ZFPM1: variants seen among roughly 807,000 people sequenced by gnomAD.
ZFPM1 encodes the protein zinc finger protein ZFPM1.
Under a neutral mutation model 46.3 loss-of-function variants are expected in ZFPM1, and 28 were observed. That is an observed-to-expected ratio of 0.60 (90% CI 0.45 to 0.83). The LOEUF (loss-of-function observed/expected upper bound fraction) is 0.83. ZFPM1 is among the 40% of genes least tolerant of loss of function. The pLI is 0.00. For missense variants in ZFPM1, 1,878 were observed against 1,432.4 expected (o/e 1.31, Z -5.02); for synonymous variants, 957 against 675.9 (o/e 1.42, Z -6.45).
chr16:88,498,567 C>T (rs1367742705), intron 3 of ZFPM1, among the ~76,000 whole-genome samples: 2 of 152,172 alleles, frequency 1.3e-5, no homozygotes, highest in African/African-American at 2.4e-5. Context: ...CAAATCATGA[C>T]GAGGTAGGAA....
intron 4 of ZFPM1, among the ~76,000 whole-genome samples, chr16:88,524,248 A>G (rs903234100): frequency 6.6e-6 from 1 of 152,174 alleles, no homozygotes; most frequent in Admixed American, 6.5e-5. Context: ...AGCCTCGCCG[A>G]GCGCTGCCCG....
intron 1 of ZFPM1, 35 bp downstream of exon 1, chr16:88,453,713 GC>G: frequency 8.6e-7 from 1 of 1,165,446 alleles, no homozygotes; most frequent in South Asian, 2.2e-5. Context: ...CCCTCCGCGC[GC>G]CCGACCCCCG....
chr16:88,505,387 C>G (rs1412201517), intron 3 of ZFPM1, among the ~76,000 whole-genome samples: 1 of 152,232 alleles, frequency 6.6e-6, no homozygotes, highest in Non-Finnish European at 1.5e-5. Flanking sequence ...AACACAGGCA[C>G]TCAGGTCCAC....
chr16:88,506,104 G>A (rs1910642996), intron 3 of ZFPM1, among the ~76,000 whole-genome samples: 1 of 152,182 alleles, frequency 6.6e-6, no homozygotes, highest in South Asian at 2.1e-4. Flanking sequence ...TGGCCTCCAG[G>A]GTGCTCTGAG....
intron 4 of ZFPM1, among the ~76,000 whole-genome samples, chr16:88,521,484 G>T (rs904798122): frequency 4.0e-5 from 6 of 150,784 alleles, no homozygotes; most frequent in African/African-American, 1.5e-4. Context: ...CCCCGCTAAG[G>T]TATCCTGAGC....
At chr16:88,474,123 C>T (rs953369631) in intron 1 of ZFPM1, among the ~76,000 whole-genome samples, 4 of 152,206 alleles carry the variant, frequency 2.6e-5, no homozygotes, top group South Asian at 2.1e-4. Context: ...GCGGCGGCTC[C>T]GGCTGAAACC....
chr16:88,517,210 ATGGATGGATGGATGGATGGGTGGGTGGG>A (rs1911368296), intron 4 of ZFPM1, among the ~76,000 whole-genome samples: 1 of 118,876 alleles, frequency 8.4e-6, no homozygotes, highest in South Asian at 3.4e-4. Context: ...GGATGGATGG[ATGGATGGATGGATGGATGGGTGGGTGGG>A]TGGGTGGATG....
chr16:88,465,151 G>C (rs369230847), intron 1 of ZFPM1, among the ~76,000 whole-genome samples: 3 of 152,242 alleles, frequency 2.0e-5, no homozygotes, highest in African/African-American at 7.2e-5. Flanking sequence ...GGCCTACACC[G>C]CAGCGGCCTC....
chr16:88,504,768 C>T (rs920230597), intron 3 of ZFPM1, among the ~76,000 whole-genome samples: 8 of 152,218 alleles, frequency 5.3e-5, no homozygotes, highest in African/African-American at 1.7e-4. Flanking sequence ...TTCAGACAGG[C>T]AAGACCTGGC....
chr16:88,532,585 G>C (rs1054763921), intron 7 of ZFPM1, 29 bp from the exon 8 acceptor site: 4 of 1,547,104 alleles, frequency 2.6e-6, no homozygotes, highest in Non-Finnish European at 3.5e-6. Flanking sequence ...GCTGGCCCGG[G>C]CACCGCTCTT....
intron 3 of ZFPM1, among the ~76,000 whole-genome samples, chr16:88,493,218 T>C (rs1244121200): frequency 9.4e-6 from 1 of 106,388 alleles, no homozygotes; most frequent in Non-Finnish European, 2.2e-5. Context: ...TGTCCCGGGG[T>C]GGGGAGAGCT....
intron 1 of ZFPM1, among the ~76,000 whole-genome samples, chr16:88,459,125 C>A (rs922541303): frequency 4.6e-5 from 7 of 152,184 alleles, no homozygotes; most frequent in African/African-American, 1.7e-4. Context: ...CTGGAATTTG[C>A]CTGTGTGCAG....
chr16:88,475,867 G>A (rs1158210043), intron 1 of ZFPM1, among the ~76,000 whole-genome samples: 2 of 152,156 alleles, frequency 1.3e-5, no homozygotes, highest in African/African-American at 4.8e-5. Context: ...CGGCCCCCTG[G>A]ACGGCTGCTC....
chr16:88,471,825 G>A lies in ZFPM1; in HGVS notation c.41-14114G>A, dbSNP rs1030893045. 6.6e-6 allele frequency among the ~76,000 whole-genome samples: 1 copy of A among 152,274 alleles called. No homozygotes were observed. The highest frequency in any genetic ancestry group is 6.5e-5 in the Admixed American group (1 of 15,290). ...GTGTGTCCATCTCTGTGAAATCGGG[G>A]CGAGGCCCCCGCGGGCTGGGAGGGC... On this transcript the variant is annotated intron_variant, in intron 1 of 9. Coordinates refer to ENST00000319555, the MANE Select transcript of ZFPM1 (RefSeq NM_153813.3). This position sits in a 1 kb window ranked among gnomAD's most constrained non-coding sequence, Gnocchi z 4.1.
chr16:88,509,277 G>A (rs1199458621), intron 3 of ZFPM1, among the ~76,000 whole-genome samples: 6 of 152,214 alleles, frequency 3.9e-5, no homozygotes, highest in Non-Finnish European at 4.4e-5. Context: ...AGACAGGGCC[G>A]CTCCCAACAA....
intron 1 of ZFPM1, among the ~76,000 whole-genome samples, chr16:88,462,019 C>T (rs968054992): frequency 6.6e-6 from 1 of 152,250 alleles, no homozygotes; most frequent in Non-Finnish European, 1.5e-5. Flanking sequence ...GGCCGGCGGC[C>T]TCCCCATCTC....
intron 3 of ZFPM1, among the ~76,000 whole-genome samples, chr16:88,491,515 A>G (rs1011757030): frequency 3.9e-5 from 6 of 152,168 alleles, no homozygotes; most frequent in Admixed American, 6.5e-5. Flanking sequence ...AGCTGGGTTT[A>G]GGCCTGGAGT....
chr16:88,521,417 G>A (rs369303070), intron 4 of ZFPM1, among the ~76,000 whole-genome samples: 15 of 152,018 alleles, frequency 9.9e-5, no homozygotes, highest in African/African-American at 2.9e-4. Flanking sequence ...GGTGCCTCCA[G>A]GGGTCCCAGC....
chr16:88,455,673 C>T (rs1451949761), intron 1 of ZFPM1, among the ~76,000 whole-genome samples: 3 of 152,118 alleles, frequency 2.0e-5, no homozygotes, highest in Non-Finnish European at 4.4e-5. Context: ...CTGCCCGCGC[C>T]TCTGTGCGCC....
Sources: allele counts gnomAD v4.1 joint callset (sites outside exome capture counted in the v4.1 genomes callset), GRCh38; gene constraint gnomAD v4.1.1; non-coding constraint Gnocchi (gnomAD v3.1); transcripts MANE v1.5; gene names NCBI Gene and HGNC (gene_info 2026-07-23, HGNC 2026-07-21).